NELL1: variants seen among roughly 807,000 people sequenced by gnomAD.
The protein encoded by NELL1 is protein kinase C-binding protein NELL1.
A neutral mutation model predicts 107.4 loss-of-function variants in NELL1; 76 were observed. That is an observed-to-expected ratio of 0.71 (90% CI 0.59 to 0.86). The LOEUF is 0.86. Ranked by LOEUF, NELL1 falls within the 40% of genes least tolerant of loss-of-function variation. The pLI is 0.00. For synonymous variants in NELL1, 353 were observed against 341.2 expected, an observed-to-expected ratio of 1.03 and a Z score of -0.38; for missense variants, 1,024 against 1,005.5, an observed-to-expected ratio of 1.02 and a Z score of -0.25.
At chr11:21,530,141 A>G (rs946906032) in intron 15 of NELL1, among the ~76,000 whole-genome samples, 6 of 152,166 alleles carry the variant, frequency 3.9e-5, no homozygotes, top group Non-Finnish European at 7.4e-5. Flanking sequence ...TGTTGAATGA[A>G]TGAAAATATC....
At chr11:20,774,684 T>C (rs1856714492) in intron 2 of NELL1, among the ~76,000 whole-genome samples, 1 of 152,174 alleles carries the variant, frequency 6.6e-6, no homozygotes, top group Non-Finnish European at 1.5e-5. Context: ...AGTAAGGGTT[T>C]TTAAAGTTAA....
chr11:21,378,710 C>T (rs1851539728), intron 15 of NELL1, among the ~76,000 whole-genome samples: 1 of 139,180 alleles, frequency 7.2e-6, no homozygotes, highest in Admixed American at 7.8e-5. Flanking sequence ...GACACACACA[C>T]TTGTACATTT....
chr11:21,251,878 A>G (rs1858647329), intron 14 of NELL1, among the ~76,000 whole-genome samples: 1 of 152,112 alleles, frequency 6.6e-6, no homozygotes, highest in Admixed American at 6.6e-5. Context: ...ATACACTAAG[A>G]TGAAGTTCTG....
intron 13 of NELL1, among the ~76,000 whole-genome samples, chr11:21,192,568 C>T (rs947693850): frequency 1.3e-5 from 2 of 151,754 alleles, no homozygotes; most frequent in African/African-American, 4.9e-5. Flanking sequence ...AAACATATGG[C>T]AATATGCACT....
chr11:20,790,402 C>G (rs1220184465), intron 3 of NELL1, among the ~76,000 whole-genome samples: 1 of 152,246 alleles, frequency 6.6e-6, no homozygotes, highest in Non-Finnish European at 1.5e-5. Flanking sequence ...CGGAACTCGG[C>G]CCCGACTTTG....
chr11:20,799,835 T>G (rs1016950520), intron 3 of NELL1, among the ~76,000 whole-genome samples: 2 of 152,184 alleles, frequency 1.3e-5, no homozygotes, highest in Non-Finnish European at 2.9e-5. Flanking sequence ...AATAGGTAGT[T>G]TTTTTAGCCC....
At chr11:21,168,633 A>G (rs1400949927) in intron 13 of NELL1, among the ~76,000 whole-genome samples, 2 of 151,854 alleles carry the variant, frequency 1.3e-5, no homozygotes, top group Non-Finnish European at 2.9e-5. Flanking sequence ...TCATTGGGCG[A>G]GACCTTCCCT....
chr11:20,677,810 A>G lies in NELL1; in HGVS notation c.56-122A>G, dbSNP rs1854095890. 3 of 1,125,474 alleles carry G rather than the reference A, an allele frequency of 2.7e-6. No individual in the cohort carries two copies. In the African/African-American group the frequency reaches 4.6e-5, roughly 17 times the overall value. The allele number at this position is 1,125,474 out of a possible 1,614,324, so 69.7% of individuals were successfully genotyped here. On this transcript the variant is annotated intron_variant, in intron 1 of 19. Coordinates refer to ENST00000357134, the MANE Select transcript of NELL1 (RefSeq NM_006157.5). The stretch of plus-strand genomic sequence containing the variant: ...TGCTTTTCTTTTCCCTCCATAGACA[A>G]AGACTCTCCAAGCACTCATCATTGG...
chr11:21,476,937 CCCAGCAGTCAGAA>C (rs1289212777), intron 15 of NELL1, among the ~76,000 whole-genome samples: 1 of 152,138 alleles, frequency 6.6e-6, no homozygotes, highest in Non-Finnish European at 1.5e-5. Flanking sequence ...AAACGTCCAT[CCCAGCAGTCAGAA>C]CCTGAGTTCT....
chr11:20,855,138 G>A lies in NELL1; in HGVS notation c.506+7385G>A, dbSNP rs7130453. ...GTCCTATGTTCTATTAACATCAGTA[G>A]CAGACCTATTTCTAATTTTTAAGAA... On this transcript the variant is annotated intron_variant, in intron 4 of 19. Transcript: ENST00000357134. 9.3e-3 allele frequency among the ~76,000 whole-genome samples: 1,417 copies of A among 151,612 alleles called. 24 individuals are homozygous for A. Among genetic ancestry groups the A allele is most frequent in the African/African-American group, 0.032 (1,306 of 41,344 alleles).
chr11:21,188,941 G>A (rs185866778), intron 13 of NELL1, among the ~76,000 whole-genome samples: 3 of 151,816 alleles, frequency 2.0e-5, no homozygotes, highest in South Asian at 2.1e-4. Flanking sequence ...CATATATACC[G>A]TCTTCCTTTC....
intron 1 of NELL1, among the ~76,000 whole-genome samples, chr11:20,673,603 G>A (rs894555422): frequency 1.3e-5 from 2 of 152,218 alleles, no homozygotes; most frequent in African/African-American, 4.8e-5. Flanking sequence ...GTAGCAGCAG[G>A]TATCTTTGTT....
chr11:20,705,166 A>C lies in NELL1; in HGVS notation c.184+27106A>C, dbSNP rs12272525. The stretch of plus-strand genomic sequence containing the variant: ...TCACAGAAATGGAAAAAACTACTTT[A>C]AAGTTCATATGGAACCAAAAAAGAG... On this transcript the variant is annotated intron_variant, in intron 2 of 19. Coordinates refer to ENST00000357134, the MANE Select transcript of NELL1 (RefSeq NM_006157.5). Among the ~76,000 whole-genome samples, 488 of 152,312 alleles carry C rather than the reference A, an allele frequency of 3.2e-3. 2 individuals are homozygous for C. The highest frequency in any genetic ancestry group is 0.011 in the African/African-American group (456 of 41,554).
intron 13 of NELL1, among the ~76,000 whole-genome samples, chr11:21,169,456 C>T (rs1343182192): frequency 1.3e-5 from 2 of 151,776 alleles, no homozygotes; most frequent in African/African-American, 4.9e-5. Context: ...ACATGTAATA[C>T]CTATGCAGAA....
At chr11:21,185,525 C>T (rs563242534) in intron 13 of NELL1, among the ~76,000 whole-genome samples, 1 of 151,770 alleles carries the variant, frequency 6.6e-6, no homozygotes, top group Non-Finnish European at 1.5e-5. Context: ...ACACTTCTGA[C>T]CTCAGGTGAT....
intron 12 of NELL1, among the ~76,000 whole-genome samples, chr11:21,075,514 G>A (rs1003872450): frequency 6.6e-6 from 1 of 152,116 alleles, no homozygotes; most frequent in Non-Finnish European, 1.5e-5. Context: ...CACCCAGGCT[G>A]GAGTGCAGTG....
chr11:20,873,219 G>A (rs1366501126), intron 4 of NELL1, among the ~76,000 whole-genome samples: 1 of 152,102 alleles, frequency 6.6e-6, no homozygotes, highest in Non-Finnish European at 1.5e-5. Flanking sequence ...GGAAAAGATG[G>A]GACCGACGAC....
chr11:20,960,509 G>A lies in NELL1; in HGVS notation c.1249G>A (p.Glu417Lys). 1.2e-6 allele frequency: 2 copies of A among 1,613,904 alleles called. No homozygotes were observed. Among genetic ancestry groups the A allele is most frequent in the South Asian group, 1.1e-5 (1 of 91,056 alleles). ...CKNWNTKATC[E>K]CKSGYISVQG... ...AAACTGGAATACAAAAGCTACTTGT[G>A]AGTGCAAGAGTGGTTACATCTCTGT... The change falls in exon 12 of 20, where the codon GAG (glutamate) becomes AAG (lysine). Residue 417 changes from glutamate to lysine, a missense_variant. Transcript: ENST00000357134.
In NELL1 at chr11:21,373,075, A is replaced by G. The variant is rs528398270; in HGVS notation, c.1645+2127A>G. Among the ~76,000 whole-genome samples, 18 of 152,218 alleles carry G rather than the reference A, an allele frequency of 1.2e-4. No homozygotes were observed. In the East Asian group the frequency reaches 2.3e-3, roughly 20 times the overall value. On this transcript the variant is annotated intron_variant, in intron 15 of 19. Transcript: ENST00000357134. ...ATTCTTGAACTCTTGCACAGTCATC[A>G]TAAAGGGAAAAAATACAATAAAACA...
Sources: allele counts gnomAD v4.1 joint callset (sites outside exome capture counted in the v4.1 genomes callset), GRCh38; gene constraint gnomAD v4.1.1; transcripts MANE v1.5; gene names NCBI Gene and HGNC (gene_info 2026-07-23, HGNC 2026-07-21).